The following LRRTM4 variants were observed in gnomAD, a reference collection of about 807,000 sequenced individuals.
The protein encoded by LRRTM4 is leucine-rich repeat transmembrane neuronal protein 4.
In LRRTM4, 25 loss-of-function variants were observed where a neutral mutation model predicts 47.6. That is an observed-to-expected ratio of 0.53 (90% confidence interval 0.38 to 0.73). The LOEUF is 0.73. Among genes scored for constraint, LRRTM4 ranks in the 30% least tolerant of loss-of-function variants. The pLI is 0.00. For missense variants in LRRTM4, 638 were observed against 713.4 expected, an observed-to-expected ratio of 0.89 and a Z score of 1.20; for synonymous variants, 311 against 269.5, an observed-to-expected ratio of 1.15 and a Z score of -1.51.
chr2:77,360,261 TC>T (rs952304289), intron 3 of LRRTM4, among the ~76,000 whole-genome samples: 2 of 151,926 alleles, frequency 1.3e-5, no homozygotes, highest in Admixed American at 6.6e-5. Context: ...ACAGAGACTA[TC>T]CTGGCTAACA....
chr2:77,115,921 C>T (rs1385156456), intron 3 of LRRTM4, among the ~76,000 whole-genome samples: 1 of 152,122 alleles, frequency 6.6e-6, no homozygotes, highest in African/African-American at 2.4e-5. Flanking sequence ...AGTTTATCTG[C>T]TTCAGTCTAG....
chr2:76,957,823 CT>C (rs1249866309), intron 3 of LRRTM4, among the ~76,000 whole-genome samples: 2 of 151,672 alleles, frequency 1.3e-5, no homozygotes, highest in Non-Finnish European at 1.5e-5. Flanking sequence ...ACGCTCACTT[CT>C]CAAAACATAT....
chr2:77,468,605 G>T (rs1174898076), intron 3 of LRRTM4, among the ~76,000 whole-genome samples: 1 of 152,136 alleles, frequency 6.6e-6, no homozygotes, highest in African/African-American at 2.4e-5. Flanking sequence ...CATGCAGCAC[G>T]GTGAATGCCA....
intron 3 of LRRTM4, among the ~76,000 whole-genome samples, chr2:77,449,750 G>C (rs1676185093): frequency 2.0e-5 from 3 of 152,164 alleles, no homozygotes; most frequent in Admixed American, 6.5e-5. Context: ...GCCAAAAACA[G>C]CTCCTGGTGC....
chr2:76,935,476 T>TA (rs1674914393), intron 3 of LRRTM4, among the ~76,000 whole-genome samples: 1 of 152,192 alleles, frequency 6.6e-6, no homozygotes, highest in South Asian at 2.1e-4. Context: ...AGTCTTCCTA[T>TA]CCATGAGCAT....
At chr2:76,970,735 G>A (rs1201512306) in intron 3 of LRRTM4, among the ~76,000 whole-genome samples, 1 of 152,026 alleles carries the variant, frequency 6.6e-6, no homozygotes, top group East Asian at 1.9e-4. Flanking sequence ...AATGTAATTA[G>A]ATTTCTTTTC....
chr2:76,974,821 C>G (rs1268018529), intron 3 of LRRTM4, among the ~76,000 whole-genome samples: 1 of 151,504 alleles, frequency 6.6e-6, no homozygotes, highest in African/African-American at 2.4e-5. Context: ...CAGTTTTTGT[C>G]TTTTCAAACC....
chr2:77,200,086 C>T (rs1236440547), intron 3 of LRRTM4, among the ~76,000 whole-genome samples: 1 of 151,932 alleles, frequency 6.6e-6, no homozygotes, highest in Non-Finnish European at 1.5e-5. Context: ...TAGAATCATA[C>T]ATTTCTTTTA....
intron 3 of LRRTM4, among the ~76,000 whole-genome samples, chr2:77,411,424 C>CTTTTTT (rs72056870): frequency 1.1e-5 from 1 of 94,372 alleles, no homozygotes; most frequent in African/African-American, 2.9e-5. Context: ...TTTCTTGTTT[C>CTTTTTT]TCTCTCTCTC....
chr2:77,243,133 C>T (rs1675315967), intron 3 of LRRTM4, among the ~76,000 whole-genome samples: 1 of 152,152 alleles, frequency 6.6e-6, no homozygotes, highest in African/African-American at 2.4e-5. Context: ...ATAAATACGG[C>T]CAGGCACGGT....
At chr2:77,402,518 C>T (rs2103839395) in intron 3 of LRRTM4, among the ~76,000 whole-genome samples, 1 of 152,094 alleles carries the variant, frequency 6.6e-6, no homozygotes, top group South Asian at 2.1e-4. Flanking sequence ...GTCATGCACA[C>T]TGGCATTGAA....
intron 3 of LRRTM4, among the ~76,000 whole-genome samples, chr2:76,771,696 G>A (rs1469961260): frequency 6.6e-6 from 1 of 151,760 alleles, no homozygotes; most frequent in African/African-American, 2.4e-5. Flanking sequence ...GTCTGGCCTG[G>A]AAGGCACATC....
intron 3 of LRRTM4, among the ~76,000 whole-genome samples, chr2:77,229,182 T>C (rs2103966715): frequency 6.6e-6 from 1 of 152,254 alleles, no homozygotes; most frequent in African/African-American, 2.4e-5. Flanking sequence ...TAATGATACT[T>C]GCATTCATAA....
chr2:77,468,058 T>C (rs1677046890), intron 3 of LRRTM4, among the ~76,000 whole-genome samples: 1 of 152,162 alleles, frequency 6.6e-6, no homozygotes, highest in African/African-American at 2.4e-5. Context: ...GATTTTTTTC[T>C]CCAAAGTTTT....
chr2:76,812,476 C>G (rs1322632160), intron 3 of LRRTM4, among the ~76,000 whole-genome samples: 1 of 152,044 alleles, frequency 6.6e-6, no homozygotes, highest in East Asian at 1.9e-4. Flanking sequence ...CTGAGAGTGG[C>G]AGCTTGCTAA....
chr2:76,974,203 TATATATA>T (rs1676330945), intron 3 of LRRTM4, among the ~76,000 whole-genome samples: 1 of 80,242 alleles, frequency 1.2e-5, no homozygotes, highest in African/African-American at 8.8e-5. Context: ...TATACATATA[TATATATA>T]CACATATATA....
At chr2:76,847,281 A>G (rs1671863630) in intron 3 of LRRTM4, among the ~76,000 whole-genome samples, 1 of 152,162 alleles carries the variant, frequency 6.6e-6, no homozygotes, top group African/African-American at 2.4e-5. Flanking sequence ...TGCTAGACTT[A>G]ATGTTGTATT....
chr2:76,911,365 A>AT (rs1674049312), intron 3 of LRRTM4, among the ~76,000 whole-genome samples: 1 of 152,206 alleles, frequency 6.6e-6, no homozygotes, highest in Admixed American at 6.5e-5. Flanking sequence ...AAAAGTGAAA[A>AT]TGTTTCCTGG....
intron 3 of LRRTM4, among the ~76,000 whole-genome samples, chr2:77,062,310 G>C (rs1361352250): frequency 2.6e-5 from 4 of 152,136 alleles, no homozygotes; most frequent in Non-Finnish European, 4.4e-5. Context: ...TAATCAAAAA[G>C]CATATGTCAG....
Sources: gnomAD v4.1 joint callset for allele counts (sites outside exome capture counted in the v4.1 genomes callset) on GRCh38, gnomAD v4.1.1 for gene constraint, MANE v1.5 for transcripts, NCBI Gene and HGNC (gene_info 2026-07-23, HGNC 2026-07-21) for gene names.